SYTL2: variants seen among roughly 807,000 people sequenced by gnomAD.
SYTL2 encodes the protein synaptotagmin-like protein 2.
In SYTL2, 165 loss-of-function variants were observed where a neutral mutation model predicts 198.7. The ratio of observed to expected loss-of-function variants is 0.83; its 90% CI spans 0.73 to 0.94. The LOEUF (loss-of-function observed/expected upper bound fraction) is 0.94. Ranked by LOEUF, SYTL2 falls within the 40% of genes least tolerant of loss-of-function variation. SYTL2 has a pLI of 0.00. For missense variants in SYTL2, 2,835 were observed against 2,582.8 expected (o/e 1.10, Z -2.12); for synonymous variants, 966 against 917.7 (o/e 1.05, Z -0.95).
the SYTL2 span, among the ~76,000 whole-genome samples, chr11:85,816,915 CA>C: frequency 1.5e-3 from 118 of 80,910 alleles, no homozygotes; most frequent in South Asian, 4.9e-3. Context: ...AACCCTGTCT[CA>C]AAAAAAAAAA....
chr11:85,802,467 C>G (rs926667401), intron 1 of SYTL2, among the ~76,000 whole-genome samples: 1 of 152,138 alleles, frequency 6.6e-6, no homozygotes, highest in African/African-American at 2.4e-5. Context: ...TCCTACTCAG[C>G]CATAGGTCTA....
At chr11:85,833,711 C>T in the SYTL2 span, among the ~76,000 whole-genome samples, 3,962 of 150,002 alleles carry the variant, frequency 0.026, 184 homozygotes, top group African/African-American at 0.092. Context: ...AGGAAAAGGA[C>T]CTTTGAGTCG....
At chr11:85,796,231 T>G (rs1259304048) in intron 1 of SYTL2, among the ~76,000 whole-genome samples, 1 of 152,206 alleles carries the variant, frequency 6.6e-6, no homozygotes, top group African/African-American at 2.4e-5. Flanking sequence ...CTAATTTTTC[T>G]TATCTAGGTT....
the SYTL2 span, among the ~76,000 whole-genome samples, chr11:85,831,581 T>C: frequency 6.6e-6 from 1 of 152,226 alleles, no homozygotes; most frequent in East Asian, 1.9e-4. Context: ...GGCTTAATAT[T>C]TTTCTATTTT....
the SYTL2 span, among the ~76,000 whole-genome samples, chr11:85,844,854 T>C: frequency 6.9e-6 from 1 of 145,770 alleles, no homozygotes; most frequent in Non-Finnish European, 1.5e-5. Flanking sequence ...GAGCCTGTAA[T>C]CTTCTGTATG....
At chr11:85,817,324 C>T in the SYTL2 span, among the ~76,000 whole-genome samples, 1 of 152,152 alleles carries the variant, frequency 6.6e-6, no homozygotes, top group Non-Finnish European at 1.5e-5. Context: ...GATACACAGC[C>T]TGTGCTGTTT....
the SYTL2 span, among the ~76,000 whole-genome samples, chr11:85,846,655 G>A: frequency 6.6e-6 from 1 of 151,700 alleles, no homozygotes. Context: ...TCAAACTCCT[G>A]ACCTTAGGTG....
At chr11:85,775,646 C>G (rs2092439885) in intron 1 of SYTL2, among the ~76,000 whole-genome samples, 1 of 152,126 alleles carries the variant, frequency 6.6e-6, no homozygotes, top group Non-Finnish European at 1.5e-5. Context: ...CCACGCCTGG[C>G]TAATTTTTGT....
intron 1 of SYTL2, among the ~76,000 whole-genome samples, chr11:85,777,812 C>CTTTTTTTTTTTTTTTTTTTTTTTTTTT (rs57873368): frequency 3.2e-5 from 2 of 63,290 alleles, no homozygotes; most frequent in African/African-American, 1.1e-4. Context: ...GGTCTTACTT[C>CTTTTTTTTTTTTTTTTTTTTTTTTTTT]TTTTTTTTTT....
chr11:85,717,353 T>C (rs762820350), intron 11 of SYTL2, 130 bp downstream of exon 11: 33 of 723,450 alleles, frequency 4.6e-5, no homozygotes, highest in Non-Finnish European at 5.9e-5. Flanking sequence ...CGTAATGAAA[T>C]AGCTTTGCAA....
At chr11:85,754,708 C>CT (rs1296419806) in intron 2 of SYTL2, among the ~76,000 whole-genome samples, 1 of 152,150 alleles carries the variant, frequency 6.6e-6, no homozygotes, top group Non-Finnish European at 1.5e-5. Flanking sequence ...CATGCCCACT[C>CT]TGAGTTGAGG....
At chr11:85,747,241 G>A (rs1472838033) in intron 3 of SYTL2, among the ~76,000 whole-genome samples, 1 of 151,786 alleles carries the variant, frequency 6.6e-6, no homozygotes. Flanking sequence ...GATTGCTTGA[G>A]GCCAGTAGTT....
chr11:85,764,128 T>G (rs193270011), intron 1 of SYTL2, among the ~76,000 whole-genome samples: 1 of 152,336 alleles, frequency 6.6e-6, no homozygotes, highest in Non-Finnish European at 1.5e-5. Flanking sequence ...CCCTGCCCAC[T>G]TGAACCCCAT....
At chr11:85,793,760 T>C (rs893464415) in intron 1 of SYTL2, among the ~76,000 whole-genome samples, 1 of 152,240 alleles carries the variant, frequency 6.6e-6, no homozygotes, top group Non-Finnish European at 1.5e-5. Context: ...TATTTAGTTC[T>C]GCACAAATGA....
intron 1 of SYTL2, among the ~76,000 whole-genome samples, chr11:85,797,116 A>G (rs959310426): frequency 6.6e-6 from 1 of 152,206 alleles, no homozygotes; most frequent in African/African-American, 2.4e-5. Flanking sequence ...GCTCGAGCCC[A>G]GGAGGTCAAG....
the SYTL2 span, among the ~76,000 whole-genome samples, chr11:85,832,828 C>CA: frequency 0.014 from 1,900 of 137,558 alleles, 31 homozygotes; most frequent in African/African-American, 0.043. Flanking sequence ...CTTGTATCTA[C>CA]AAAAAAAAAA....
At chr11:85,847,391 T>C in the SYTL2 span, among the ~76,000 whole-genome samples, 1 of 152,226 alleles carries the variant, frequency 6.6e-6, no homozygotes, top group Non-Finnish European at 1.5e-5. Flanking sequence ...CCACCCTTTT[T>C]TTTTTCATTC....
chr11:85,833,729 CTTTTTTTTT>C, the SYTL2 span, among the ~76,000 whole-genome samples: 5 of 121,146 alleles, frequency 4.1e-5, no homozygotes, highest in Admixed American at 4.4e-4. Context: ...TCGAAGATTT[CTTTTTTTTT>C]TTTTTTTTTT....
chr11:85,714,346 C>A lies in SYTL2; in HGVS notation c.5625+67G>T, dbSNP rs552883444. The A allele has an allele frequency of 6.1e-5, 81 of 1,318,068 alleles. 2 individuals carry two copies. In the South Asian group the frequency reaches 7.8e-4, roughly 13 times the overall value. 81.6% of individuals were successfully genotyped at this position (1,318,068 alleles called of 1,614,324 possible). The stretch of plus-strand genomic sequence containing the variant: ...TCTGCCACAGTGGAATACAAACACA[C>A]CAACCTTGGCATAGCAATTCCAACC... On this transcript the variant is annotated intron_variant, in intron 12 of 19. Transcript: ENST00000359152.
Sources: gnomAD v4.1 joint callset for allele counts (sites outside exome capture counted in the v4.1 genomes callset) on GRCh38, gnomAD v4.1.1 for gene constraint, MANE v1.5 for transcripts, NCBI Gene and HGNC (gene_info 2026-07-23, HGNC 2026-07-21) for gene names.